Variants in SNTG1 observed in about 807,000 individuals in gnomAD.
SNTG1 encodes syntrophin gamma 1.
In SNTG1, 39 loss-of-function variants were observed where a neutral mutation model predicts 74.7. The observed-to-expected ratio is 0.52, with a 90% CI of 0.40 to 0.68. The LOEUF is 0.68. Among genes scored for constraint, SNTG1 ranks in the 30% least tolerant of loss-of-function variants. The pLI is 0.00. For synonymous variants in SNTG1, 254 were observed against 217.1 expected, an observed-to-expected ratio of 1.17 and a Z score of -1.49; for missense variants, 685 against 609.5, an observed-to-expected ratio of 1.12 and a Z score of -1.30.
chr8:50,646,361 T>G (rs1392790416), intron 13 of SNTG1, among the ~76,000 whole-genome samples: 1 of 152,180 alleles, frequency 6.6e-6, no homozygotes, highest in Non-Finnish European at 1.5e-5. Flanking sequence ...AGGTCTGGGT[T>G]AAGACCTGAG....
rs767099287 is a variant in SNTG1 at position 50,190,822 on chromosome 8, G to A, written c.-28+18187G>A. On this transcript the variant is annotated intron_variant, in intron 2 of 18. Coordinates refer to ENST00000642720, the MANE Select transcript of SNTG1 (RefSeq NM_018967.5). ...GGATAGTGGAACTGGTTCCCTGTGAGGAAGCAGCCACCTGTTCACTCTTTC... is the reference window on the plus strand; with the variant it reads ...GGATAGTGGAACTGGTTCCCTGTGAAGAAGCAGCCACCTGTTCACTCTTTC... 6.1e-4 allele frequency among the ~76,000 whole-genome samples: 93 copies of A among 152,048 alleles called. 1 individual carries two copies. Among genetic ancestry groups the A allele is most frequent in the Non-Finnish European group, 7.4e-4 (50 of 68,018 alleles).
chr8:50,540,316 A>G (rs2094337342), intron 11 of SNTG1, among the ~76,000 whole-genome samples: 1 of 151,972 alleles, frequency 6.6e-6, no homozygotes, highest in Admixed American at 6.6e-5. Flanking sequence ...ATATTTTGGG[A>G]TTTTCTAATT....
intron 1 of SNTG1, among the ~76,000 whole-genome samples, chr8:49,928,311 A>T (rs1807231935): frequency 6.7e-6 from 1 of 149,948 alleles, no homozygotes; most frequent in African/African-American, 2.5e-5. Flanking sequence ...GCTCATTGCA[A>T]CCTCTGCCTC....
At chr8:50,701,310 G>T (rs2095422754) in intron 15 of SNTG1, among the ~76,000 whole-genome samples, 1 of 152,138 alleles carries the variant, frequency 6.6e-6, no homozygotes, top group Non-Finnish European at 1.5e-5. Flanking sequence ...ATAGTAGCTT[G>T]TCATTATACT....
At chr8:50,407,011 C>T (rs1050938352) in intron 4 of SNTG1, among the ~76,000 whole-genome samples, 1 of 152,110 alleles carries the variant, frequency 6.6e-6, no homozygotes, top group Non-Finnish European at 1.5e-5. Context: ...TTTAAAACCT[C>T]CCACTGGTAA....
At chr8:50,269,960 C>A (rs867104230) in intron 2 of SNTG1, among the ~76,000 whole-genome samples, 1 of 152,230 alleles carries the variant, frequency 6.6e-6, no homozygotes, top group African/African-American at 2.4e-5. Flanking sequence ...ATTTTTTCTT[C>A]TTTCTCCATG....
chr8:50,486,809 T>G (rs1284607199), intron 8 of SNTG1, among the ~76,000 whole-genome samples: 2 of 151,966 alleles, frequency 1.3e-5, no homozygotes, highest in South Asian at 2.1e-4. Context: ...GCTCTTATTA[T>G]TTTGAAATAT....
chr8:50,074,662 T>C (rs935077038), intron 1 of SNTG1, among the ~76,000 whole-genome samples: 2 of 152,190 alleles, frequency 1.3e-5, no homozygotes, highest in African/African-American at 4.8e-5. Context: ...ATGAAAAAGT[T>C]AATATTGCTA....
chr8:49,984,410 G>T (rs1032181120), intron 1 of SNTG1, among the ~76,000 whole-genome samples: 1 of 152,042 alleles, frequency 6.6e-6, no homozygotes, highest in African/African-American at 2.4e-5. Flanking sequence ...TCACCATGTT[G>T]CCCAGGCTGA....
chr8:50,532,754 C>T (rs1342957908), intron 10 of SNTG1, among the ~76,000 whole-genome samples: 2 of 152,154 alleles, frequency 1.3e-5, no homozygotes, highest in African/African-American at 4.8e-5. Flanking sequence ...ACAGTGGGCA[C>T]TCAGAAGAAA....
intron 13 of SNTG1, among the ~76,000 whole-genome samples, chr8:50,606,686 T>C (rs11785733): frequency 0.48 from 72,167 of 151,704 alleles, 21,075 homozygotes; most frequent in East Asian, 0.71. Context: ...CAACATTAAA[T>C]ATGTTAATAG....
intron 8 of SNTG1, among the ~76,000 whole-genome samples, chr8:50,452,007 G>T (rs1218982276): frequency 1.3e-5 from 2 of 152,146 alleles, no homozygotes; most frequent in Non-Finnish European, 1.5e-5. Flanking sequence ...TGAATAGATT[G>T]CTCCTCTGTT....
At chr8:50,468,890 C>T (rs2093629830) in intron 8 of SNTG1, among the ~76,000 whole-genome samples, 1 of 152,130 alleles carries the variant, frequency 6.6e-6, no homozygotes. Context: ...ATGTGTAGTG[C>T]AGGTACCTTT....
intron 2 of SNTG1, among the ~76,000 whole-genome samples, chr8:50,231,971 T>C (rs1399088385): frequency 6.6e-6 from 1 of 151,356 alleles, no homozygotes. Flanking sequence ...CACTTTGTAC[T>C]CCATAAATAT....
chr8:50,163,414 A>G (rs917940490), intron 1 of SNTG1: 23 of 149,310 alleles, frequency 1.5e-4, no homozygotes, highest in Non-Finnish European at 3.0e-4. Flanking sequence ...TATAATTCCA[A>G]GTTTTTTTTT....
intron 4 of SNTG1, among the ~76,000 whole-genome samples, chr8:50,424,216 C>T (rs2093133432): frequency 6.6e-6 from 1 of 152,078 alleles, no homozygotes; most frequent in African/African-American, 2.4e-5. Flanking sequence ...GCCAGGTACC[C>T]TCCCTCAGCA....
intron 17 of SNTG1, 88 bp downstream of exon 17, chr8:50,709,066 T>A: frequency 5.5e-6 from 5 of 914,548 alleles, no homozygotes; most frequent in Non-Finnish European, 8.6e-6. Flanking sequence ...CTTTCAGCAT[T>A]TTAATTGTAA....
intron 4 of SNTG1, among the ~76,000 whole-genome samples, chr8:50,435,223 T>C (rs1563382508): frequency 6.6e-6 from 1 of 152,150 alleles, no homozygotes; most frequent in East Asian, 1.9e-4. Flanking sequence ...TTTGCATTTT[T>C]GTAACGAAAA....
intron 16 of SNTG1, 116 bp downstream of exon 16, chr8:50,704,868 C>G: frequency 8.0e-7 from 1 of 1,244,588 alleles, no homozygotes; most frequent in Non-Finnish European, 1.1e-6. Flanking sequence ...ATCTTGACCT[C>G]ATATACATTC....
Sources: gnomAD v4.1 joint callset for allele counts (sites outside exome capture counted in the v4.1 genomes callset) on GRCh38, gnomAD v4.1.1 for gene constraint, MANE v1.5 for transcripts, NCBI Gene and HGNC (gene_info 2026-07-23, HGNC 2026-07-21) for gene names.